IMMP2L: variants seen among roughly 807,000 people sequenced by gnomAD.
The protein encoded by IMMP2L is mitochondrial inner membrane protease subunit 2.
A neutral mutation model predicts 19.3 loss-of-function variants in IMMP2L; 18 were observed. That is an observed-to-expected ratio of 0.93 (90% CI 0.64 to 1.38). The LOEUF (loss-of-function observed/expected upper bound fraction) is 1.38, where lower values mean the gene tolerates loss of function less well. Ranked by LOEUF, IMMP2L falls within the 40% of genes most tolerant of loss-of-function variation. The pLI is 0.00. For synonymous variants in IMMP2L, 76 were observed against 73.0 expected (o/e 1.04, Z -0.21); for missense variants, 233 against 218.2 (o/e 1.07, Z -0.43).
chr7:110,788,681 C>T (rs1450991200), intron 5 of IMMP2L, among the ~76,000 whole-genome samples: 1 of 151,628 alleles, frequency 6.6e-6, no homozygotes, highest in Non-Finnish European at 1.5e-5. Context: ...ACAACAATGC[C>T]AAAATCGAAT....
chr7:111,537,926 T>C (rs949195503), intron 1 of IMMP2L, among the ~76,000 whole-genome samples: 3 of 152,046 alleles, frequency 2.0e-5, no homozygotes, highest in Non-Finnish European at 4.4e-5. Flanking sequence ...TGGGCCCTTA[T>C]ACATCTCTCC....
intron 3 of IMMP2L, among the ~76,000 whole-genome samples, chr7:111,068,656 A>G (rs1344148157): frequency 6.6e-6 from 1 of 152,204 alleles, no homozygotes; most frequent in African/African-American, 2.4e-5. Flanking sequence ...TTATAATAGC[A>G]CAAGTATCAG....
At chr7:110,858,008 C>T (rs868041769) in intron 5 of IMMP2L, among the ~76,000 whole-genome samples, 4 of 152,046 alleles carry the variant, frequency 2.6e-5, no homozygotes, top group Non-Finnish European at 5.9e-5. Flanking sequence ...TGCCAGGAAG[C>T]TCATAACCAA....
chr7:111,499,961 G>T (rs969034432), intron 2 of IMMP2L, among the ~76,000 whole-genome samples: 1 of 152,156 alleles, frequency 6.6e-6, no homozygotes, highest in Non-Finnish European at 1.5e-5. Flanking sequence ...GCAGGTGCAG[G>T]ACAGTGGGTG....
At chr7:111,209,318 A>T (rs1586838645) in intron 3 of IMMP2L, among the ~76,000 whole-genome samples, 1 of 147,864 alleles carries the variant, frequency 6.8e-6, no homozygotes, top group East Asian at 2.0e-4. Flanking sequence ...AATCGCTTGA[A>T]CCCAGGAGAC....
At chr7:111,485,228 GCTC>G (rs1425773879) in intron 3 of IMMP2L, among the ~76,000 whole-genome samples, 1 of 151,916 alleles carries the variant, frequency 6.6e-6, no homozygotes, top group Non-Finnish European at 1.5e-5. Context: ...TATGTAAATG[GCTC>G]CTCCTAAGAA....
chr7:110,879,439 C>T (rs1809418117), intron 5 of IMMP2L, among the ~76,000 whole-genome samples: 1 of 151,654 alleles, frequency 6.6e-6, no homozygotes, highest in African/African-American at 2.4e-5. Context: ...AAAGATAAAG[C>T]ATAATGTAAT....
chr7:111,155,468 G>T (rs1052155255), intron 3 of IMMP2L, among the ~76,000 whole-genome samples: 7 of 151,970 alleles, frequency 4.6e-5, no homozygotes, highest in Non-Finnish European at 1.0e-4. Flanking sequence ...AAATAAATTG[G>T]AACATTAGAA....
In IMMP2L at chr7:110,747,421, C is replaced by T. The variant is rs182365293; in HGVS notation, c.409-83700G>A. Among the ~76,000 whole-genome samples, 322 of 152,290 alleles carry T rather than the reference C, an allele frequency of 2.1e-3. 4 individuals carry two copies. Among genetic ancestry groups the T allele is most frequent in the Admixed American group, 0.019 (291 of 15,288 alleles). ...TTATGAGGCAAGCACCATCCTGATA[C>T]CAAAACCTGGCAGAGACACAACAAA... On this transcript the variant is annotated intron_variant, in intron 5 of 5. Coordinates refer to ENST00000405709, the MANE Select transcript of IMMP2L (RefSeq NM_032549.4).
At chr7:111,030,806 A>G (rs1319661272) in intron 3 of IMMP2L, among the ~76,000 whole-genome samples, 1 of 151,122 alleles carries the variant, frequency 6.6e-6, no homozygotes, top group Admixed American at 6.6e-5. Context: ...ATGTGTGTAC[A>G]TACATATGTG....
At chr7:110,714,244 T>C (rs551094503) in intron 5 of IMMP2L, among the ~76,000 whole-genome samples, 25 of 152,320 alleles carry the variant, frequency 1.6e-4, no homozygotes, top group African/African-American at 5.5e-4. Flanking sequence ...TTGCGTATGT[T>C]GAACCAAACT....
At chr7:110,818,051 G>T (rs1435956320) in intron 5 of IMMP2L, among the ~76,000 whole-genome samples, 1 of 152,042 alleles carries the variant, frequency 6.6e-6, no homozygotes. Flanking sequence ...ACATAGGCAT[G>T]GGCAAGGACT....
intron 3 of IMMP2L, among the ~76,000 whole-genome samples, chr7:111,263,866 C>T (rs1562982081): frequency 6.6e-6 from 1 of 152,090 alleles, no homozygotes; most frequent in Non-Finnish European, 1.5e-5. Context: ...ATCATCTGTG[C>T]CTTTTTAACA....
At chr7:111,185,355 T>C (rs1808152016) in intron 3 of IMMP2L, among the ~76,000 whole-genome samples, 1 of 152,184 alleles carries the variant, frequency 6.6e-6, no homozygotes, top group Admixed American at 6.5e-5. Context: ...ATAAAAGCAA[T>C]CACCCGTAAC....
intron 3 of IMMP2L, among the ~76,000 whole-genome samples, chr7:111,473,684 A>G (rs1030289464): frequency 6.6e-6 from 1 of 152,190 alleles, no homozygotes; most frequent in African/African-American, 2.4e-5. Context: ...GGTAGATTCA[A>G]TATCAATATT....
chr7:110,701,397 T>C (rs1794277848), intron 5 of IMMP2L, among the ~76,000 whole-genome samples: 1 of 152,142 alleles, frequency 6.6e-6, no homozygotes, highest in Non-Finnish European at 1.5e-5. Context: ...TCATTAAATC[T>C]TGGGAAACAT....
At chr7:111,420,641 G>A (rs1585032367) in intron 3 of IMMP2L, among the ~76,000 whole-genome samples, 1 of 142,798 alleles carries the variant, frequency 7.0e-6, no homozygotes, top group East Asian at 2.1e-4. Flanking sequence ...CCACCTATGA[G>A]TGAGAACATG....
chr7:111,082,557 A>G (rs1411390533), intron 3 of IMMP2L, among the ~76,000 whole-genome samples: 1 of 152,266 alleles, frequency 6.6e-6, no homozygotes, highest in East Asian at 1.9e-4. Context: ...GTGTTCAGAC[A>G]AAACGAGTGG....
At chr7:111,025,780 G>T (rs1328667625) in intron 3 of IMMP2L, among the ~76,000 whole-genome samples, 1 of 152,144 alleles carries the variant, frequency 6.6e-6, no homozygotes, top group African/African-American at 2.4e-5. Context: ...TAGATACATG[G>T]AATGAATGGT....
Sources: gnomAD v4.1 joint callset for allele counts (sites outside exome capture counted in the v4.1 genomes callset) on GRCh38, gnomAD v4.1.1 for gene constraint, MANE v1.5 for transcripts, NCBI Gene and HGNC (gene_info 2026-07-23, HGNC 2026-07-21) for gene names.